The following SERINC5 variants were observed in gnomAD, a reference collection of about 807,000 sequenced individuals.
SERINC5 encodes chromosome 5 open reading frame 12.
SERINC5 carries 41 observed loss-of-function variants against 63.1 expected under a neutral mutation model. The observed-to-expected ratio is 0.65, with a 90% CI of 0.51 to 0.84. The LOEUF (loss-of-function observed/expected upper bound fraction) is 0.84. SERINC5 is among the 40% of genes least tolerant of loss of function. SERINC5 has a pLI of 0.00. For missense variants in SERINC5, 523 were observed against 573.0 expected (o/e 0.91, Z 0.89); for synonymous variants, 222 against 215.2 (o/e 1.03, Z -0.28).
chr5:80,239,204 G>A (rs1580210216), intron 1 of SERINC5, among the ~76,000 whole-genome samples: 2 of 152,202 alleles, frequency 1.3e-5, no homozygotes, highest in East Asian at 3.8e-4. Flanking sequence ...GAATGGCAAC[G>A]CAGGACCCGG....
chr5:80,153,744 C>A (rs1288091610), intron 8 of SERINC5, among the ~76,000 whole-genome samples: 1 of 151,930 alleles, frequency 6.6e-6, no homozygotes, highest in Non-Finnish European at 1.5e-5. Flanking sequence ...ACTGTCTCTG[C>A]CTGCTGCCAC....
chr5:80,194,735 A>C (rs1342664841), intron 2 of SERINC5, among the ~76,000 whole-genome samples: 1 of 152,192 alleles, frequency 6.6e-6, no homozygotes, highest in African/African-American at 2.4e-5. Context: ...CCCAGAAGAA[A>C]GTCTAGAAAG....
downstream of SERINC5, among the ~76,000 whole-genome samples, chr5:80,136,027 G>T (rs750066724): frequency 1.1e-4 from 16 of 152,118 alleles, no homozygotes; most frequent in Non-Finnish European, 2.1e-4. Context: ...GCCAAATAAT[G>T]TGAATGTTCT....
intron 2 of SERINC5, among the ~76,000 whole-genome samples, chr5:80,194,054 T>C (rs533410346): frequency 1.3e-5 from 2 of 152,264 alleles, no homozygotes; most frequent in South Asian, 4.1e-4. Context: ...CCACTTTTAA[T>C]CTCAAAAACT....
chr5:80,129,559 C>G (rs950563623), intron 11 of SERINC5, among the ~76,000 whole-genome samples: 6 of 152,118 alleles, frequency 3.9e-5, no homozygotes, highest in Admixed American at 3.9e-4. Flanking sequence ...TCCTCCCACC[C>G]CAGCCTCCCA....
At position 80,177,401 on chromosome 5, in the gene SERINC5, G is replaced by C; in HGVS notation, c.375-4C>G. 1.2e-6 allele frequency: 2 copies of C among 1,609,514 alleles called. No homozygotes were observed. The highest frequency in any genetic ancestry group is 3.3e-5 in the Admixed American group (2 of 59,766). ...CAGAAGTTTAAAGAACCAAAAGCTA[G>C]AAGTGGGGGGAAAAAAAAGAGGAAA... On this transcript the variant is annotated splice_polypyrimidine_tract_variant and splice_region_variant and intron_variant, in intron 3 of 11. Transcript: ENST00000507668.
At chr5:80,161,527 GTTCT>G (rs1007724903) in intron 7 of SERINC5, among the ~76,000 whole-genome samples, 4 of 152,130 alleles carry the variant, frequency 2.6e-5, no homozygotes, top group Non-Finnish European at 5.9e-5. Flanking sequence ...GTCTATTCAT[GTTCT>G]TTGACTACTT....
chr5:80,223,147 G>A (rs1750988403), intron 1 of SERINC5, among the ~76,000 whole-genome samples: 1 of 152,234 alleles, frequency 6.6e-6, no homozygotes, highest in Non-Finnish European at 1.5e-5. Context: ...ATGAGCCGCT[G>A]TGCCCAGCCT....
chr5:80,176,859 T>C (rs1748063935), intron 4 of SERINC5, among the ~76,000 whole-genome samples: 1 of 152,222 alleles, frequency 6.6e-6, no homozygotes, highest in African/African-American at 2.4e-5. Context: ...GTTTCAGCTA[T>C]GATTAAAGGC....
At chr5:80,137,642 CAAAAAA>C (rs57807742), downstream of SERINC5, among the ~76,000 whole-genome samples, 2 of 104,776 alleles carry the variant, frequency 1.9e-5, no homozygotes, top group African/African-American at 6.7e-5. Flanking sequence ...GACTCTAACT[CAAAAAA>C]AAAAAAAAGT....
intron 2 of SERINC5, among the ~76,000 whole-genome samples, chr5:80,189,422 A>G (rs1749044318): frequency 6.6e-6 from 1 of 152,192 alleles, no homozygotes; most frequent in Non-Finnish European, 1.5e-5. Context: ...AAAGACACAA[A>G]TCTATTTCTA....
intron 1 of SERINC5, among the ~76,000 whole-genome samples, chr5:80,247,014 T>C (rs1203351052): frequency 6.6e-6 from 1 of 152,172 alleles, no homozygotes; most frequent in Non-Finnish European, 1.5e-5. Context: ...TCACCAACAA[T>C]GCGGCTTGAC....
chr5:80,131,843 C>T (rs562533710), intron 11 of SERINC5, among the ~76,000 whole-genome samples: 4 of 152,236 alleles, frequency 2.6e-5, no homozygotes, highest in African/African-American at 7.2e-5. Flanking sequence ...TGGGCTGAGC[C>T]TAAACCAATC....
intron 5 of SERINC5, among the ~76,000 whole-genome samples, chr5:80,170,350 A>G (rs961915977): frequency 6.6e-6 from 1 of 152,148 alleles, no homozygotes; most frequent in African/African-American, 2.4e-5. Flanking sequence ...GGACAAGCAG[A>G]GAATTTACTT....
chr5:80,115,978 G>A (rs960494808), intron 11 of SERINC5, among the ~76,000 whole-genome samples: 1 of 152,080 alleles, frequency 6.6e-6, no homozygotes, highest in African/African-American at 2.4e-5. Context: ...ATTCAACATT[G>A]AAAGGGATAG....
At position 80,138,920 on chromosome 5, in the gene SERINC5, C is replaced by T; in HGVS notation, c.*4743G>A. On this transcript the variant is annotated 3_prime_UTR_variant, in exon 12 of 12. Coordinates refer to ENST00000507668, the MANE Select transcript of SERINC5 (RefSeq NM_001174072.3). ...TTTAATTTTAAATTTTATTAAAGTA[C>T]AGAGTTAACAAGTTTTGAGTTTTTT... The T allele has an allele frequency of 1.0e-6, 1 of 971,064 alleles. No individual in the cohort carries two copies. The highest frequency in any genetic ancestry group is 1.2e-6 in the Non-Finnish European group (1 of 817,024). 60.2% of individuals were successfully genotyped at this position (971,064 alleles called of 1,614,324 possible).
chr5:80,130,680 G>T (rs1744911262), intron 11 of SERINC5, among the ~76,000 whole-genome samples: 1 of 152,098 alleles, frequency 6.6e-6, no homozygotes, highest in African/African-American at 2.4e-5. Context: ...ATAGAGTTTA[G>T]ACATTTCAAT....
intron 2 of SERINC5, among the ~76,000 whole-genome samples, chr5:80,199,648 C>A (rs987287411): frequency 6.6e-6 from 1 of 152,200 alleles, no homozygotes; most frequent in Non-Finnish European, 1.5e-5. Flanking sequence ...TCCTAAAACA[C>A]ATACCAATGG....
chr5:80,223,037 T>C (rs375497149), intron 1 of SERINC5, among the ~76,000 whole-genome samples: 3 of 151,652 alleles, frequency 2.0e-5, no homozygotes, highest in African/African-American at 7.3e-5. Flanking sequence ...TTTATTTTTT[T>C]ATAGAGATGA....
Sources: gnomAD v4.1 joint callset for allele counts (sites outside exome capture counted in the v4.1 genomes callset) on GRCh38, gnomAD v4.1.1 for gene constraint, MANE v1.5 for transcripts, NCBI Gene and HGNC (gene_info 2026-07-23, HGNC 2026-07-21) for gene names.